Variants in PSMD2 observed in about 807,000 individuals in gnomAD.
PSMD2 encodes the protein 26S proteasome non-ATPase regulatory subunit 2.
A neutral mutation model predicts 101.5 loss-of-function variants in PSMD2; 8 were observed. That is an observed-to-expected ratio of 0.08 (90% CI 0.05 to 0.14). The LOEUF is 0.14. Ranked by LOEUF, PSMD2 falls within the 10% of genes least tolerant of loss-of-function variation. The pLI is 1.00. For synonymous variants in PSMD2, 418 were observed against 433.8 expected (o/e 0.96, Z 0.45); for missense variants, 784 against 1,147.4 (o/e 0.68, Z 4.58).
Position 184,307,423 on chromosome 3 carries a change from A to C in PSMD2, c.2101A>C (p.Asn701His). Reference sequence around the variant, plus strand: ...AGCACTGGCCCTCATCTCTGTTTCAAATCCACGACTCAACATCCTGGATAC... The same window carrying C: ...AGCACTGGCCCTCATCTCTGTTTCACATCCACGACTCAACATCCTGGATAC... Reference protein sequence around the residue: ...PLALALISVSNPRLNILDTLS... With the variant: ...PLALALISVSHPRLNILDTLS... The change falls in exon 17 of 21, where the codon AAT becomes CAT. Residue 701 changes from asparagine (N) to histidine (H), a missense_variant. Physicochemically the swap from Asn to His is moderately conservative, Grantham distance 68. Transcript: ENST00000310118. The C allele has an allele frequency of 6.2e-7, 1 of 1,614,098 alleles. No individual in the cohort carries two copies. Among genetic ancestry groups the C allele is most frequent in the Non-Finnish European group, 8.5e-7 (1 of 1,179,960 alleles).
At chr3:184,299,644 C>T in intron 1 of PSMD2, 1 of 638,928 alleles carries the variant, frequency 1.6e-6, no homozygotes, top group Non-Finnish European at 2.6e-6. Flanking sequence ...GTCATTGTCA[C>T]CTCCGTTTCC....
chr3:184,308,955 G>A lies in PSMD2; in HGVS notation c.*65G>A, dbSNP rs1721941790. On this transcript the variant is annotated 3_prime_UTR_variant, in exon 21 of 21. Transcript: ENST00000310118. This position sits in a 1 kb window ranked among gnomAD's most constrained non-coding sequence, Gnocchi z 6.0. ...GCAGGCCATGCATCCTGCTGCCAAG[G>A]GTGGACACGGCTGCAGACTTCTGGG... 1 of 1,501,678 alleles carries A rather than the reference G, an allele frequency of 6.7e-7. No individual in the cohort carries two copies. The highest frequency in any genetic ancestry group is 2.3e-5 in the East Asian group (1 of 44,092). The allele number at this position is 1,501,678 out of a possible 1,614,324, so 93.0% of individuals were successfully genotyped here.
Position 184,304,141 on chromosome 3 carries a change from C to T in PSMD2, c.1451+67C>T. The stretch of plus-strand genomic sequence containing the variant: ...ACACTCTGGAGAACAGGAACTGGGC[C>T]CTTTTCACCCATATTGCCAAGGGCT... On this transcript the variant is annotated intron_variant, in intron 11 of 20. Transcript: ENST00000310118. This position sits in a 1 kb window ranked among gnomAD's most constrained non-coding sequence, Gnocchi z 4.1. 1 of 1,597,254 alleles carries T rather than the reference C, an allele frequency of 6.3e-7. No individual in the cohort carries two copies. The highest frequency in any genetic ancestry group is 8.6e-7 in the Non-Finnish European group (1 of 1,165,750).
chr3:184,302,513 C>T lies in PSMD2; in HGVS notation c.848C>T (p.Thr283Ile), dbSNP rs1464121460. Residue 283 changes from threonine (T) to isoleucine (I), a missense_variant, in exon 6 of 21, where the codon ACC becomes ATC. Physicochemically the swap from Thr to Ile is moderately conservative, Grantham distance 89. Coordinates refer to ENST00000310118, the MANE Select transcript of PSMD2 (RefSeq NM_002808.5). ...ATGGAGTTGGTAGAAGACATCTTCACCTCCTGCAAGGATGTGTATGTAGGG... is the reference window on the plus strand; with the variant it reads ...ATGGAGTTGGTAGAAGACATCTTCATCTCCTGCAAGGATGTGTATGTAGGG... ...NDMELVEDIFTSCKDVVVQKQ... is the reference protein window; with the variant it reads ...NDMELVEDIFISCKDVVVQKQ... The T allele has an allele frequency of 2.5e-6, 4 of 1,614,098 alleles. No individual in the cohort carries two copies. The highest frequency in any genetic ancestry group is 1.1e-5 in the South Asian group (1 of 91,078).
Position 184,304,688 on chromosome 3 carries a change from C to T in PSMD2, c.1539+297C>T, listed in dbSNP as rs1037600291. Among the ~76,000 whole-genome samples the T allele has an allele frequency of 1.3e-5, 2 of 151,996 alleles. No homozygotes were observed. The highest frequency in any genetic ancestry group is 4.8e-5 in the African/African-American group (2 of 41,352). On this transcript the variant is annotated intron_variant, in intron 12 of 20. Coordinates refer to ENST00000310118, the MANE Select transcript of PSMD2 (RefSeq NM_002808.5). This position sits in a 1 kb window ranked among gnomAD's most constrained non-coding sequence, Gnocchi z 4.1. ...ATCACTTGAGCCCAGGAGTTCGAGA[C>T]CAACCTGGGCAAGATTGTGAAACCC...
rs1677396252 is a variant in PSMD2 at position 184,307,537 on chromosome 3, G to T, written c.2203+12G>T. ...CATGGTGGGCAGTGGTGAGTATCCG[G>T]CAGAAGAAGGTCATAAACAGATTGG... On this transcript the variant is annotated intron_variant, in intron 17 of 20. Transcript: ENST00000310118. The T allele has an allele frequency of 6.2e-7, 1 of 1,614,120 alleles. No individual in the cohort carries two copies. The highest frequency in any genetic ancestry group is 8.5e-7 in the Non-Finnish European group (1 of 1,180,024).
In PSMD2 at chr3:184,304,419, G is replaced by A; in HGVS notation, c.1539+28G>A. 16 of 1,597,740 alleles carry A rather than the reference G, an allele frequency of 1.0e-5. No homozygotes were observed. Among genetic ancestry groups the A allele is most frequent in the Non-Finnish European group, 1.4e-5 (16 of 1,165,078 alleles). ...GAGTAGAGGCTATTGAGCATTTAGA[G>A]TAAGTAGGGAAGGTGCTTTGAGTCT... On this transcript the variant is annotated intron_variant, in intron 12 of 20. Coordinates refer to ENST00000310118, the MANE Select transcript of PSMD2 (RefSeq NM_002808.5). This position sits in a 1 kb window ranked among gnomAD's most constrained non-coding sequence, Gnocchi z 4.1.
intron 9 of PSMD2, 68 bp from the exon 10 acceptor site, chr3:184,303,575 G>T (rs1721725538): frequency 6.2e-7 from 1 of 1,608,970 alleles, no homozygotes; most frequent in African/African-American, 1.3e-5. Flanking sequence ...TCTTTGGAGA[G>T]CTCTTTATAA....
rs145176929 is a variant in PSMD2, at chr3:184,300,681, T to C, written c.357+237T>C. On this transcript the variant is annotated intron_variant, in intron 3 of 20. Transcript: ENST00000310118. ...GGGGTTTCATTAGCATGGTCTACTTTTAACGTATGTTTAACCTTGATTTTT... is the reference window on the plus strand; with the variant it reads ...GGGGTTTCATTAGCATGGTCTACTTCTAACGTATGTTTAACCTTGATTTTT... 1,005 of 1,268,734 alleles carry C rather than the reference T, an allele frequency of 7.9e-4. 30 individuals carry two copies. In the Admixed American group the frequency reaches 0.03, roughly 38 times the overall value. The allele number at this position is 1,268,734 out of a possible 1,614,324, so 78.6% of individuals were successfully genotyped here.
chr3:184,303,920 A>T, intron 10 of PSMD2, 27 bp from the exon 11 acceptor site: 1 of 1,614,214 alleles, frequency 6.2e-7, no homozygotes, highest in Non-Finnish European at 8.5e-7. Flanking sequence ...GAGTATCCTG[A>T]GTGAAGAATC....
intron 4 of PSMD2, 85 bp downstream of exon 4, chr3:184,301,743 T>G (rs775790905): frequency 1.0e-4 from 162 of 1,609,346 alleles, no homozygotes; most frequent in Middle Eastern, 9.9e-4. Context: ...CAATCTGTCT[T>G]GGAGCATCAG....
chr3:184,306,163 T>G lies in PSMD2; in HGVS notation c.1804+8T>G, dbSNP rs1721824111. ...ATGTGTGTGCATATGCAGGTCTGTG[T>G]CTTTATGAGTCTGTCTTGTGCTTCC... On this transcript the variant is annotated splice_region_variant and intron_variant, in intron 14 of 20. Transcript: ENST00000310118. The G allele has an allele frequency of 6.2e-7, 1 of 1,613,910 alleles. No individual in the cohort carries two copies. The highest frequency in any genetic ancestry group is 2.2e-5 in the East Asian group (1 of 44,882).
At chr3:184,300,730 A>G in intron 3 of PSMD2, 1 of 957,348 alleles carries the variant, frequency 1.0e-6, no homozygotes, top group Non-Finnish European at 1.3e-6. Flanking sequence ...TCCCATATAC[A>G]TTCATTTATC....
chr3:184,303,387 C>T lies in PSMD2; in HGVS notation c.1137C>T (p.Gly379=). ...RMNLASSFVN[G]FVNAAFGQDK... ...ACCTGGCCTCCTCTTTTGTGAATGGCTTTGTGAATGCAGCTTTTGGCCAAG... is the reference window on the plus strand; with the variant it reads ...ACCTGGCCTCCTCTTTTGTGAATGGTTTTGTGAATGCAGCTTTTGGCCAAG... The change falls in exon 9 of 21, where the codon GGC becomes GGT. Residue 379 remains glycine (G), a synonymous_variant. Transcript: ENST00000310118. 6.2e-7 allele frequency: 1 copy of T among 1,614,112 alleles called. No homozygotes were observed. The highest frequency in any genetic ancestry group is 8.5e-7 in the Non-Finnish European group (1 of 1,180,028).
chr3:184,303,974 G>A lies in PSMD2; in HGVS notation c.1351G>A (p.Val451Met). 1 of 1,614,272 alleles carries A rather than the reference G, an allele frequency of 6.2e-7. No individual in the cohort carries two copies. ...AGGAGCTCTTCTTGCCTGTGGCATA[G>A]TGAACTCTGGGGTCCGGAATGAGTG... ...KSGALLACGI[V>M]NSGVRNECDP... Residue 451 changes from valine (V) to methionine (M), a missense_variant, in exon 11 of 21, where the codon GTG becomes ATG. Coordinates refer to ENST00000310118, the MANE Select transcript of PSMD2 (RefSeq NM_002808.5).
At position 184,308,932 on chromosome 3, in the gene PSMD2, A is replaced by T; in HGVS notation, c.*42A>T. On this transcript the variant is annotated 3_prime_UTR_variant, in exon 21 of 21. Transcript: ENST00000310118. This position sits in a 1 kb window ranked among gnomAD's most constrained non-coding sequence, Gnocchi z 6.0. ...CTGAACTGCAGCTGATGTTATCAGCAGGCCATGCATCCTGCTGCCAAGGGT... is the reference window on the plus strand; with the variant it reads ...CTGAACTGCAGCTGATGTTATCAGCTGGCCATGCATCCTGCTGCCAAGGGT... 6.4e-7 allele frequency: 1 copy of T among 1,573,720 alleles called. No individual in the cohort carries two copies. The highest frequency in any genetic ancestry group is 8.7e-7 in the Non-Finnish European group (1 of 1,152,964).
At chr3:184,307,091 C>T (rs1277078312) in intron 16 of PSMD2, among the ~76,000 whole-genome samples, 1 of 152,152 alleles carries the variant, frequency 6.6e-6, no homozygotes, top group Non-Finnish European at 1.5e-5. Flanking sequence ...ACTACAGGCA[C>T]ATGCCACCAT....
At chr3:184,301,097 G>C (rs936924685) in intron 3 of PSMD2, among the ~76,000 whole-genome samples, 4 of 151,848 alleles carry the variant, frequency 2.6e-5, no homozygotes, top group Non-Finnish European at 5.9e-5. Flanking sequence ...TTGGGAGGCC[G>C]AGGGGTGGAT....
chr3:184,303,980 T>G lies in PSMD2; in HGVS notation c.1357T>G (p.Ser453Ala), dbSNP rs148574173. 2.5e-6 allele frequency: 4 copies of G among 1,614,236 alleles called. No individual in the cohort carries two copies. Among genetic ancestry groups the G allele is most frequent in the Non-Finnish European group, 3.4e-6 (4 of 1,180,038 alleles). ...TCTTCTTGCCTGTGGCATAGTGAAC[T>G]CTGGGGTCCGGAATGAGTGTGACCC... Reference protein sequence around the residue: ...GALLACGIVNSGVRNECDPAL... With the variant: ...GALLACGIVNAGVRNECDPAL... Residue 453 changes from serine (S) to alanine (A), a missense_variant, in exon 11 of 21, where the codon TCT becomes GCT. Ser to Ala is a moderately conservative substitution (Grantham distance 99). This residue lies in a region of PSMD2 where 37 missense variants were observed against 107.0 expected (regional missense o/e 0.35). Transcript: ENST00000310118.
Sources: gnomAD v4.1 joint callset for allele counts (sites outside exome capture counted in the v4.1 genomes callset) on GRCh38, gnomAD v4.1.1 for gene constraint, gnomAD v4.1.1 regional missense constraint, Gnocchi (gnomAD v3.1) non-coding constraint, MANE v1.5 for transcripts, NCBI Gene and HGNC (gene_info 2026-07-23, HGNC 2026-07-21) for gene names.